Variants in ATP8B4 observed in about 807,000 individuals in gnomAD.
The protein encoded by ATP8B4 is probable phospholipid-transporting ATPase IM.
A neutral mutation model predicts 145.6 loss-of-function variants in ATP8B4; 133 were observed. The observed-to-expected ratio is 0.91, with a 90% CI of 0.79 to 1.05. ATP8B4 has a LOEUF of 1.05. ATP8B4 is among the 50% of genes least tolerant of loss of function. ATP8B4 has a pLI of 0.00. For missense variants in ATP8B4, 1,458 were observed against 1,425.2 expected, an observed-to-expected ratio of 1.02 and a Z score of -0.37; for synonymous variants, 507 against 492.9, an observed-to-expected ratio of 1.03 and a Z score of -0.38.
At chr15:49,964,210 A>G (rs916400060) in intron 13 of ATP8B4, among the ~76,000 whole-genome samples, 1 of 152,182 alleles carries the variant, frequency 6.6e-6, no homozygotes, top group Non-Finnish European at 1.5e-5. Context: ...GTGTGGGAGG[A>G]GTCCCTGAGC....
At chr15:50,127,173 G>A (rs1345332187) in intron 1 of ATP8B4, among the ~76,000 whole-genome samples, 1 of 152,140 alleles carries the variant, frequency 6.6e-6, no homozygotes, top group African/African-American at 2.4e-5. Flanking sequence ...TTATGGCTCT[G>A]CCTGGAACCT....
At chr15:49,920,622 C>T (rs918925466) in intron 17 of ATP8B4, among the ~76,000 whole-genome samples, 3 of 152,200 alleles carry the variant, frequency 2.0e-5, no homozygotes, top group Non-Finnish European at 2.9e-5. Flanking sequence ...TTAAAACATG[C>T]AGGGGAGCAA....
At chr15:50,156,379 TA>T in intron 1 of ATP8B4, among the ~76,000 whole-genome samples, 1 of 152,036 alleles carries the variant, frequency 6.6e-6, no homozygotes, top group Admixed American at 6.6e-5. Context: ...TTCATCACCT[TA>T]AGCAATTGTT....
At chr15:50,029,471 T>C (rs1191819166) in intron 6 of ATP8B4, among the ~76,000 whole-genome samples, 1 of 152,084 alleles carries the variant, frequency 6.6e-6, no homozygotes, top group Non-Finnish European at 1.5e-5. Flanking sequence ...CTTTTCTGTG[T>C]CTCTTCTTTC....
Position 50,088,061 on chromosome 15 carries a change from A to T in ATP8B4, c.29-13876T>A, listed in dbSNP as rs1202915829. On this transcript the variant is annotated intron_variant, in intron 2 of 27. Coordinates refer to ENST00000284509, the MANE Select transcript of ATP8B4 (RefSeq NM_024837.4). ...ATATTTTTATTATACCTGATTTTGT[A>T]TTTTGTATTTATATTAGCTTAAGAC... 2.0e-5 allele frequency among the ~76,000 whole-genome samples: 3 copies of T among 152,000 alleles called. No individual in the cohort carries two copies. The East Asian group carries it at 5.8e-4, about 29-fold the overall frequency.
intron 1 of ATP8B4, among the ~76,000 whole-genome samples, chr15:50,179,947 G>C (rs931940478): frequency 5.9e-5 from 9 of 152,208 alleles, no homozygotes; most frequent in Admixed American, 3.3e-4. Flanking sequence ...CTCAAAGCTG[G>C]AATCACTGGG....
intron 3 of ATP8B4, among the ~76,000 whole-genome samples, chr15:50,060,059 AC>A (rs1342559057): frequency 6.6e-6 from 1 of 152,148 alleles, no homozygotes; most frequent in Non-Finnish European, 1.5e-5. Flanking sequence ...GGAAACTGAA[AC>A]CCAGAAAGGC....
At chr15:50,048,219 C>T (rs1287785733) in intron 3 of ATP8B4, among the ~76,000 whole-genome samples, 1 of 151,884 alleles carries the variant, frequency 6.6e-6, no homozygotes, top group Non-Finnish European at 1.5e-5. Context: ...AAGGCTCACA[C>T]CTGAGGGACC....
chr15:50,059,963 A>G (rs2153621615), intron 3 of ATP8B4, among the ~76,000 whole-genome samples: 1 of 152,294 alleles, frequency 6.6e-6, no homozygotes, highest in South Asian at 2.1e-4. Flanking sequence ...ATATAACTCC[A>G]CAAGATGTCA....
intron 10 of ATP8B4, chr15:49,982,342 G>A (rs2046229781): frequency 1.3e-5 from 2 of 152,152 alleles, no homozygotes; most frequent in Non-Finnish European, 2.9e-5. Context: ...CTACTGCTGT[G>A]TATAGACCAC....
At chr15:49,884,740 A>G (rs1424639282) in intron 23 of ATP8B4, among the ~76,000 whole-genome samples, 1 of 152,120 alleles carries the variant, frequency 6.6e-6, no homozygotes, top group Non-Finnish European at 1.5e-5. Flanking sequence ...CCAACAGCCT[A>G]TAACAGTCCA....
At chr15:50,125,418 G>A (rs1224888680) in intron 1 of ATP8B4, among the ~76,000 whole-genome samples, 1 of 152,076 alleles carries the variant, frequency 6.6e-6, no homozygotes, top group Non-Finnish European at 1.5e-5. Flanking sequence ...GGAAGTGTAG[G>A]GTCCAAGATC....
intron 2 of ATP8B4, among the ~76,000 whole-genome samples, chr15:50,093,597 CA>C (rs2055752741): frequency 6.6e-6 from 1 of 151,780 alleles, no homozygotes; most frequent in East Asian, 1.9e-4. Context: ...AAAAGAAAAT[CA>C]ATGAATAACA....
intron 2 of ATP8B4, among the ~76,000 whole-genome samples, chr15:50,105,132 A>T (rs2056605350): frequency 1.3e-5 from 2 of 151,940 alleles, no homozygotes; most frequent in Admixed American, 1.3e-4. Context: ...GGGAAAAAAG[A>T]CTACAAATTG....
chr15:50,129,280 T>G (rs2057328679), intron 1 of ATP8B4, among the ~76,000 whole-genome samples: 1 of 152,146 alleles, frequency 6.6e-6, no homozygotes, highest in Non-Finnish European at 1.5e-5. Flanking sequence ...GCTGGGTGGC[T>G]TAAAACAAGG....
At chr15:50,013,196 G>C (rs1182607853) in intron 6 of ATP8B4, among the ~76,000 whole-genome samples, 1 of 152,028 alleles carries the variant, frequency 6.6e-6, no homozygotes, top group Non-Finnish European at 1.5e-5. Context: ...TAGCTTGTAT[G>C]GTGATTGGGT....
At position 49,972,674 on chromosome 15, in the gene ATP8B4, C is replaced by G. The variant is rs2045273256; in HGVS notation, c.1151G>C (p.Gly384Ala). 9.3e-6 allele frequency: 15 copies of G among 1,613,752 alleles called. No individual in the cohort carries two copies. The highest frequency in any genetic ancestry group is 1.3e-5 in the Non-Finnish European group (15 of 1,179,962). The change falls in exon 13 of 28, where the codon GGG becomes GCG. Residue 384 changes from glycine to alanine, a missense_variant. Transcript: ENST00000284509. ...GTCGGAGAAAATGTACTCAATCTGC[C>G]CCAGTTCCTCATTGAGCGTGGTCGT... is the stretch of plus-strand genomic sequence containing the variant. ...ARTTTLNEEL[G>A]QIEYIFSDKT... is the part of the protein sequence containing the mutation.
chr15:50,177,016 C>G (rs7162511), intron 1 of ATP8B4, among the ~76,000 whole-genome samples: 2 of 152,126 alleles, frequency 1.3e-5, no homozygotes, highest in Admixed American at 6.5e-5. Flanking sequence ...TGCCTATACT[C>G]AAATGGTACC....
chr15:49,868,850 G>T (rs935884732), intron 25 of ATP8B4, among the ~76,000 whole-genome samples: 1 of 152,142 alleles, frequency 6.6e-6, no homozygotes, highest in Non-Finnish European at 1.5e-5. Flanking sequence ...AAATAACTAT[G>T]AAAATAAAGA....
Sources: gnomAD v4.1 joint callset for allele counts (sites outside exome capture counted in the v4.1 genomes callset) on GRCh38, gnomAD v4.1.1 for gene constraint, MANE v1.5 for transcripts, NCBI Gene and HGNC (gene_info 2026-07-23, HGNC 2026-07-21) for gene names.